Variants in NECAB2 observed in about 807,000 individuals in gnomAD.
The protein encoded by NECAB2 is N-terminal EF-hand calcium-binding protein 2.
NECAB2 carries 68 observed loss-of-function variants against 51.9 expected under a neutral mutation model. The ratio of observed to expected loss-of-function variants is 1.31; its 90% confidence interval spans 1.08 to 1.60. NECAB2 has a LOEUF of 1.60. Ranked by LOEUF, NECAB2 falls within the 40% of genes most tolerant of loss-of-function variation. The pLI is 0.00. For missense variants in NECAB2, 854 were observed against 490.3 expected (o/e 1.74, Z -7.00); for synonymous variants, 329 against 203.5 (o/e 1.62, Z -5.25).
At chr16:83,981,207 T>A (rs2084485427) in intron 5 of NECAB2, 80 bp downstream of exon 5, 2 of 1,351,996 alleles carry the variant, frequency 1.5e-6, no homozygotes, top group South Asian at 2.4e-5. Context: ...ATGCCTGGAT[T>A]TTTGAAGACA....
chr16:84,000,331 A>G (rs1402314884), intron 10 of NECAB2, among the ~76,000 whole-genome samples: 2 of 149,292 alleles, frequency 1.3e-5, no homozygotes, highest in African/African-American at 5.1e-5. Context: ...GGAGTTAAAG[A>G]CCAGCATGGG....
intron 1 of NECAB2, 145 bp from the exon 2 acceptor site, chr16:83,972,006 G>A (rs2084353780): frequency 1.9e-6 from 2 of 1,068,772 alleles, no homozygotes; most frequent in Non-Finnish European, 2.7e-6. Context: ...CCAGCCCGGG[G>A]AGGGGGAGAG....
At chr16:83,987,800 A>G (rs756859798) in intron 5 of NECAB2, among the ~76,000 whole-genome samples, 2 of 152,216 alleles carry the variant, frequency 1.3e-5, no homozygotes, top group African/African-American at 2.4e-5. Context: ...AGGATAATTT[A>G]TCAGAGTTGG....
chr16:83,966,117 G>A (rs1373643874), upstream of NECAB2: 13 of 900,010 alleles, frequency 1.4e-5, no homozygotes, highest in Admixed American at 5.9e-5. Flanking sequence ...GTCAGCCCAC[G>A]TTGCTGGCCT....
chr16:83,991,282 C>T (rs1274400720), intron 6 of NECAB2, among the ~76,000 whole-genome samples: 1 of 151,880 alleles, frequency 6.6e-6, no homozygotes, highest in South Asian at 2.1e-4. Flanking sequence ...CACAGCTAGC[C>T]TATTTTCTCT....
At chr16:83,976,056 C>A (rs1329310819) in intron 2 of NECAB2, among the ~76,000 whole-genome samples, 1 of 152,168 alleles carries the variant, frequency 6.6e-6, no homozygotes, top group Non-Finnish European at 1.5e-5. Context: ...TCTCTGGCTG[C>A]CTGCTCTCCC....
At chr16:83,982,466 C>G (rs945539543) in intron 5 of NECAB2, among the ~76,000 whole-genome samples, 1 of 152,134 alleles carries the variant, frequency 6.6e-6, no homozygotes, top group Non-Finnish European at 1.5e-5. Context: ...TGGGAAGATC[C>G]CAGGCTTCCG....
chr16:83,982,328 T>A (rs1163854180), intron 5 of NECAB2, among the ~76,000 whole-genome samples: 1 of 152,236 alleles, frequency 6.6e-6, no homozygotes, highest in East Asian at 1.9e-4. Flanking sequence ...CATGCTGTTT[T>A]GAGTCTTGCT....
At position 83,968,325 on chromosome 16, in the gene NECAB2, G is replaced by C. The variant is rs1041306155; in HGVS notation, c.-324G>C. Among the ~76,000 whole-genome samples, 2 of 151,116 alleles carry C rather than the reference G, an allele frequency of 1.3e-5. No individual in the cohort carries two copies. Among genetic ancestry groups the C allele is most frequent in the Non-Finnish European group, 3.0e-5 (2 of 67,658 alleles). ...CTTTTGGGGAGCAGGCCCCAGGGGC[G>C]CCGCCCCGCCCCCAGGCCCCACATA... is the stretch of plus-strand genomic sequence containing the variant. On this transcript the variant is annotated 5_prime_UTR_variant, in exon 1 of 13. Coordinates refer to ENST00000305202, the MANE Select transcript of NECAB2 (RefSeq NM_019065.3).
intron 5 of NECAB2, among the ~76,000 whole-genome samples, chr16:83,982,526 G>T (rs527374843): frequency 2.6e-5 from 4 of 152,138 alleles, no homozygotes; most frequent in African/African-American, 9.7e-5. Context: ...AACAGGCTGT[G>T]TGAGGTCACC....
chr16:83,997,037 C>T (rs148333483), intron 8 of NECAB2, among the ~76,000 whole-genome samples, 179 bp from the exon 9 acceptor site: 3 of 152,118 alleles, frequency 2.0e-5, no homozygotes, highest in Non-Finnish European at 4.4e-5. Context: ...GCAACATGTT[C>T]TAGGCCCCCT....
Position 84,001,901 on chromosome 16 carries a change from AGGATCTTGGTGCCAGGT to A in NECAB2, c.1118_1132+2del. On this transcript the variant is annotated splice_donor_variant and coding_sequence_variant, in exon 12 of 13. Coordinates refer to ENST00000305202, the MANE Select transcript of NECAB2 (RefSeq NM_019065.3). LOFTEE classifies it high-confidence loss of function. ...ACTGAGCCAGCCTGAGGCCCTCTCC[AGGATCTTGGTGCCAGGT>A]AGGGGGCAAAGGCCTGGAACTGCAG... 6.2e-7 allele frequency: 1 copy of A among 1,613,982 alleles called. No homozygotes were observed. The highest frequency in any genetic ancestry group is 8.5e-7 in the Non-Finnish European group (1 of 1,179,900).
At chr16:83,978,313 G>T (rs78555474) in intron 2 of NECAB2, 131 bp from the exon 3 acceptor site, 1 of 678,046 alleles carries the variant, frequency 1.5e-6, no homozygotes. Flanking sequence ...AGCTGGGAGG[G>T]TAGGGATTAT....
intron 11 of NECAB2, 91 bp from the exon 12 acceptor site, chr16:84,001,734 C>G (rs985613264): frequency 4.3e-6 from 6 of 1,391,200 alleles, no homozygotes; most frequent in African/African-American, 2.9e-5. Flanking sequence ...GATAAGCTCC[C>G]CATTTTGGGC....
At chr16:83,992,377 T>TCCCCCCCCCCCCCC (rs60014664) in intron 6 of NECAB2, among the ~76,000 whole-genome samples, 9 of 133,042 alleles carry the variant, frequency 6.8e-5, no homozygotes, top group African/African-American at 2.6e-4. Flanking sequence ...CGAGCACCCG[T>TCCCCCCCCCCCCCC]CCCCCCGCCC....
At chr16:83,992,641 G>T (rs2084641318) in intron 6 of NECAB2, among the ~76,000 whole-genome samples, 2 of 152,174 alleles carry the variant, frequency 1.3e-5, no homozygotes, top group African/African-American at 4.8e-5. Flanking sequence ...GTCCTGATCA[G>T]ACATGATTGT....
At chr16:83,967,740 A>ATGGATGGG (rs1555545038), upstream of NECAB2, among the ~76,000 whole-genome samples, 721 of 128,198 alleles carry the variant, frequency 5.6e-3, 5 homozygotes, top group Non-Finnish European at 8.0e-3. Flanking sequence ...GGATGGATGG[A>ATGGATGGG]TGGATGGGAG....
intron 5 of NECAB2, among the ~76,000 whole-genome samples, chr16:83,989,955 G>T (rs1213519593): frequency 1.3e-5 from 2 of 152,086 alleles, no homozygotes; most frequent in African/African-American, 4.8e-5. Flanking sequence ...ATTCCGTTTT[G>T]TCATTTTCCT....
At chr16:83,970,214 C>T (rs373952251) in intron 1 of NECAB2, among the ~76,000 whole-genome samples, 4 of 151,982 alleles carry the variant, frequency 2.6e-5, no homozygotes, top group East Asian at 3.9e-4. Flanking sequence ...GGGGGTGGGG[C>T]GGGAGGTGCT....
Sources: allele counts gnomAD v4.1 joint callset (sites outside exome capture counted in the v4.1 genomes callset), GRCh38; gene constraint gnomAD v4.1.1; transcripts MANE v1.5; gene names NCBI Gene and HGNC (gene_info 2026-07-23, HGNC 2026-07-21).